The following MIB1 variants were observed in gnomAD, a reference collection of about 807,000 sequenced individuals.
The protein encoded by MIB1 is E3 ubiquitin-protein ligase MIB1.
MIB1 carries 278 observed loss-of-function variants against 124.5 expected under a neutral mutation model. That is an observed-to-expected ratio of 2.23 (90% CI 2.02 to 2.47). MIB1 has a LOEUF of 2.47. Among genes scored for constraint, MIB1 ranks in the 30% most tolerant of loss-of-function variants. The probability of loss-of-function intolerance (pLI) is 0.00; values close to 1 mark genes in which losing one functional copy is unlikely to be tolerated. For missense variants in MIB1, 957 were observed against 1,254.4 expected, an observed-to-expected ratio of 0.76 and a Z score of 3.58; for synonymous variants, 446 against 429.4, an observed-to-expected ratio of 1.04 and a Z score of -0.48.
intron 9 of MIB1, among the ~76,000 whole-genome samples, chr18:21,803,026 T>C (rs1339617654): frequency 6.6e-6 from 1 of 152,178 alleles, no homozygotes; most frequent in African/African-American, 2.4e-5. Context: ...GTTTGTAGGC[T>C]TTGAGTTTGT....
At chr18:21,800,410 C>T (rs2041638548) in intron 9 of MIB1, among the ~76,000 whole-genome samples, 1 of 151,888 alleles carries the variant, frequency 6.6e-6, no homozygotes, top group Non-Finnish European at 1.5e-5. Context: ...AATGTAACTC[C>T]TCTCCACCCC....
chr18:21,711,198 T>A (rs1301238245), intron 1 of MIB1, among the ~76,000 whole-genome samples: 2 of 152,206 alleles, frequency 1.3e-5, no homozygotes, highest in African/African-American at 2.4e-5. Flanking sequence ...AGAGAATACC[T>A]AATACTACCA....
intron 10 of MIB1, among the ~76,000 whole-genome samples, chr18:21,813,573 C>T (rs938088740): frequency 1.6e-5 from 2 of 122,996 alleles, no homozygotes; most frequent in African/African-American, 7.6e-5. Flanking sequence ...GTAGAAATAT[C>T]CCTGAGTTGT....
intron 6 of MIB1, among the ~76,000 whole-genome samples, chr18:21,781,414 T>TAA (rs1291173304): frequency 1.0e-5 from 1 of 99,214 alleles, no homozygotes; most frequent in Non-Finnish European, 2.0e-5. Context: ...TATATATATA[T>TAA]AAAATTATTA....
chr18:21,739,923 CA>C (rs879507919), upstream of MIB1, among the ~76,000 whole-genome samples: 22 of 119,294 alleles, frequency 1.8e-4, no homozygotes, highest in Admixed American at 3.4e-4. Flanking sequence ...AAAAACAAAG[CA>C]AAAAAAAAAA....
intron 1 of MIB1, among the ~76,000 whole-genome samples, chr18:21,744,241 A>G (rs1034527506): frequency 6.6e-6 from 1 of 151,810 alleles, no homozygotes; most frequent in African/African-American, 2.4e-5. Flanking sequence ...ATTTTATTAC[A>G]TTCTATAAGA....
At chr18:21,763,544 C>T (rs933203202) in intron 1 of MIB1, among the ~76,000 whole-genome samples, 6 of 152,060 alleles carry the variant, frequency 3.9e-5, no homozygotes, top group African/African-American at 1.4e-4. Flanking sequence ...CAATGGAGAC[C>T]TGGGCTTGTA....
chr18:21,731,060 C>G (rs956079791), intron 1 of MIB1, among the ~76,000 whole-genome samples: 1 of 152,174 alleles, frequency 6.6e-6, no homozygotes, highest in African/African-American at 2.4e-5. Flanking sequence ...TACCTTTCAA[C>G]CCTTGGTTAA....
intron 20 of MIB1, 27 bp from the exon 21 acceptor site, chr18:21,864,499 T>A (rs1295473770): frequency 6.4e-7 from 1 of 1,571,238 alleles, no homozygotes; most frequent in Admixed American, 1.7e-5. Flanking sequence ...AGTGTCTAAT[T>A]TATTACTTTG....
At chr18:21,816,883 G>C (rs1425336040) in intron 11 of MIB1, among the ~76,000 whole-genome samples, 1 of 151,972 alleles carries the variant, frequency 6.6e-6, no homozygotes, top group Non-Finnish European at 1.5e-5. Flanking sequence ...GGAGGATGAG[G>C]GAAGAATTGG....
chr18:21,852,275 A>AGGT (rs2042186816), intron 17 of MIB1, among the ~76,000 whole-genome samples: 4 of 152,114 alleles, frequency 2.6e-5, no homozygotes, highest in Non-Finnish European at 5.9e-5. Flanking sequence ...GTACATACTG[A>AGGT]GGTGTAAGTT....
chr18:21,740,304 T>A (rs2040830101), upstream of MIB1, among the ~76,000 whole-genome samples: 1 of 152,214 alleles, frequency 6.6e-6, no homozygotes, highest in Non-Finnish European at 1.5e-5. Flanking sequence ...CCTATCACCC[T>A]AATTCTGCAT....
intron 20 of MIB1, among the ~76,000 whole-genome samples, chr18:21,863,645 G>A (rs1265414829): frequency 6.6e-6 from 1 of 152,076 alleles, no homozygotes; most frequent in African/African-American, 2.4e-5. Context: ...TGGGAGGAGT[G>A]GGCAGGGTGG....
chr18:21,715,046 T>A (rs140162549), intron 1 of MIB1, among the ~76,000 whole-genome samples: 1 of 152,274 alleles, frequency 6.6e-6, no homozygotes, highest in Non-Finnish European at 1.5e-5. Flanking sequence ...GCTCTAGACC[T>A]ACTCCAGGAA....
At chr18:21,835,848 C>CA (rs750841132) in intron 12 of MIB1, among the ~76,000 whole-genome samples, 1 of 125,822 alleles carries the variant, frequency 7.9e-6, no homozygotes, top group Non-Finnish European at 1.8e-5. Context: ...CAAACACACA[C>CA]GAGGAGTATT....
intron 1 of MIB1, among the ~76,000 whole-genome samples, chr18:21,720,185 C>T (rs900271591): frequency 6.6e-6 from 1 of 152,078 alleles, no homozygotes; most frequent in Non-Finnish European, 1.5e-5. Flanking sequence ...TTCCAGCTAA[C>T]AAAATGAAGG....
intron 1 of MIB1, among the ~76,000 whole-genome samples, chr18:21,720,601 G>A (rs1474045791): frequency 6.6e-6 from 1 of 151,960 alleles, no homozygotes; most frequent in Non-Finnish European, 1.5e-5. Flanking sequence ...AGAAAAAAAT[G>A]GAATTACCTG....
chr18:21,847,810 C>T (rs2042147951), intron 16 of MIB1, among the ~76,000 whole-genome samples: 1 of 152,176 alleles, frequency 6.6e-6, no homozygotes, highest in African/African-American at 2.4e-5. Context: ...GATCATTTCA[C>T]ATTTGTCTCT....
chr18:21,750,727 G>A (rs1378902137), intron 1 of MIB1, among the ~76,000 whole-genome samples: 1 of 152,110 alleles, frequency 6.6e-6, no homozygotes, highest in African/African-American at 2.4e-5. Context: ...GCCTCCCAAA[G>A]TCCTGCGATT....
Sources: gnomAD v4.1 joint callset for allele counts (sites outside exome capture counted in the v4.1 genomes callset) on GRCh38, gnomAD v4.1.1 for gene constraint, MANE v1.5 for transcripts, NCBI Gene and HGNC (gene_info 2026-07-23, HGNC 2026-07-21) for gene names.